The following RASEF variants were observed in gnomAD, a reference collection of about 807,000 sequenced individuals.
RASEF encodes ras and EF-hand domain-containing protein.
RASEF carries 68 observed loss-of-function variants against 90.1 expected under a neutral mutation model. The observed-to-expected ratio is 0.75, with a 90% CI of 0.62 to 0.92. The LOEUF is 0.92. Ranked by LOEUF, RASEF falls within the 40% of genes least tolerant of loss-of-function variation. The probability of loss-of-function intolerance (pLI) is 0.00; values close to 1 mark genes in which losing one functional copy is unlikely to be tolerated. For synonymous variants in RASEF, 331 were observed against 345.2 expected (o/e 0.96, Z 0.46); for missense variants, 949 against 937.2 (o/e 1.01, Z -0.16).
chr9:83,056,437 C>T (rs1267206853), intron 1 of RASEF, among the ~76,000 whole-genome samples: 1 of 152,142 alleles, frequency 6.6e-6, no homozygotes, highest in African/African-American at 2.4e-5. Flanking sequence ...TCAAGTGCTA[C>T]CTAAATTGTA....
the RASEF span, among the ~76,000 whole-genome samples, chr9:83,088,265 C>G: frequency 2.6e-5 from 4 of 151,694 alleles, no homozygotes; most frequent in African/African-American, 9.7e-5. Flanking sequence ...ATCTATATAT[C>G]TCTATATATA....
At chr9:83,153,453 T>A in the RASEF span, among the ~76,000 whole-genome samples, 25,412 of 152,232 alleles carry the variant, frequency 0.17, 2,325 homozygotes, top group Non-Finnish European at 0.21. Flanking sequence ...TGTCGCTGAG[T>A]TTAAGAAGAC....
intron 16 of RASEF, among the ~76,000 whole-genome samples, chr9:82,985,800 G>A (rs1828700061): frequency 6.6e-6 from 1 of 152,058 alleles, no homozygotes; most frequent in Admixed American, 6.5e-5. Flanking sequence ...GGAGGCAAGG[G>A]GTGAAGCAAG....
the RASEF span, among the ~76,000 whole-genome samples, chr9:83,175,582 A>G: frequency 6.7e-6 from 1 of 149,898 alleles, no homozygotes; most frequent in Non-Finnish European, 1.5e-5. Flanking sequence ...GTATTATTTC[A>G]ATCCTTTTTT....
upstream of RASEF, among the ~76,000 whole-genome samples, chr9:83,067,989 G>A (rs368028971): frequency 1.5e-4 from 23 of 152,160 alleles, no homozygotes; most frequent in South Asian, 1.9e-3. Flanking sequence ...TGATCCTCCC[G>A]TCTCAGTCGC....
chr9:83,052,937 A>C (rs1431328911), intron 1 of RASEF, among the ~76,000 whole-genome samples: 1 of 146,322 alleles, frequency 6.8e-6, no homozygotes, highest in Non-Finnish European at 1.5e-5. Flanking sequence ...GTTCTTTTAC[A>C]TTTGCTGAGG....
At chr9:83,047,998 G>A (rs1829963515) in intron 1 of RASEF, 1 of 438,838 alleles carries the variant, frequency 2.3e-6, no homozygotes, top group Non-Finnish European at 3.0e-6. Flanking sequence ...CCTGCATCGT[G>A]CATGGCAGCT....
chr9:83,048,695 T>C (rs969625329), intron 1 of RASEF: 1 of 985,426 alleles, frequency 1.0e-6, no homozygotes, highest in Non-Finnish European at 1.2e-6. Context: ...CATAGTGTTA[T>C]GCCCTCAATT....
chr9:83,137,795 G>GAA, the RASEF span, among the ~76,000 whole-genome samples: 43,027 of 146,720 alleles, frequency 0.29, 6,693 homozygotes, highest in East Asian at 0.49. Context: ...TGAAGTGATT[G>GAA]AAAAAAAAAA....
At chr9:83,061,935 C>T (rs1275526532) in intron 1 of RASEF, among the ~76,000 whole-genome samples, 1 of 152,244 alleles carries the variant, frequency 6.6e-6, no homozygotes, top group Non-Finnish European at 1.5e-5. Flanking sequence ...CTAGCAGGTA[C>T]ATCAATCAAT....
At chr9:83,026,556 C>A (rs535518628) in intron 1 of RASEF, among the ~76,000 whole-genome samples, 1 of 152,022 alleles carries the variant, frequency 6.6e-6, no homozygotes, top group Admixed American at 6.6e-5. Flanking sequence ...TTCACTATCA[C>A]GAGAACAGTA....
chr9:83,027,405 C>G (rs897445061), intron 1 of RASEF, among the ~76,000 whole-genome samples: 4 of 152,158 alleles, frequency 2.6e-5, no homozygotes, highest in African/African-American at 9.7e-5. Flanking sequence ...GTTCAGCCCC[C>G]ATCCTGAAGG....
At chr9:83,121,661 A>C in the RASEF span, among the ~76,000 whole-genome samples, 1 of 152,152 alleles carries the variant, frequency 6.6e-6, no homozygotes, top group Non-Finnish European at 1.5e-5. Context: ...AAACACTCTG[A>C]TCCCTGCTCT....
the RASEF span, among the ~76,000 whole-genome samples, chr9:83,117,047 A>T: frequency 2.6e-5 from 4 of 152,210 alleles, no homozygotes; most frequent in Admixed American, 6.5e-5. Flanking sequence ...TGACATAAAA[A>T]TTATAAGGAA....
intron 6 of RASEF, among the ~76,000 whole-genome samples, chr9:83,008,935 T>TATGA (rs1554706822): frequency 8.2e-6 from 1 of 122,330 alleles, no homozygotes; most frequent in Non-Finnish European, 1.7e-5. Context: ...TATATATATA[T>TATGA]GACGTGGGCT....
chr9:82,996,124 C>A (rs1224916779), intron 14 of RASEF, among the ~76,000 whole-genome samples: 1 of 152,160 alleles, frequency 6.6e-6, no homozygotes, highest in African/African-American at 2.4e-5. Context: ...TCATTTCTCA[C>A]ACTACTTCTT....
the RASEF span, among the ~76,000 whole-genome samples, chr9:83,168,719 C>T: frequency 6.6e-6 from 1 of 152,066 alleles, no homozygotes; most frequent in African/African-American, 2.4e-5. Context: ...AAATGCTTAA[C>T]ATCATTAATC....
intron 1 of RASEF, chr9:83,054,842 CCAG>C (rs1830073826): frequency 6.6e-6 from 1 of 151,550 alleles, no homozygotes; most frequent in African/African-American, 2.5e-5. Context: ...GGGGTGCCTC[CCAG>C]TTAGGCTGCT....
the RASEF span, among the ~76,000 whole-genome samples, chr9:83,140,624 T>A: frequency 6.6e-6 from 1 of 151,988 alleles, no homozygotes; most frequent in African/African-American, 2.4e-5. Context: ...CAGAACAGAG[T>A]CACACTTTAT....
Sources: gnomAD v4.1 joint callset for allele counts (sites outside exome capture counted in the v4.1 genomes callset) on GRCh38, gnomAD v4.1.1 for gene constraint, MANE v1.5 for transcripts, NCBI Gene and HGNC (gene_info 2026-07-23, HGNC 2026-07-21) for gene names.